Variants in GGA2 observed in about 807,000 individuals in gnomAD.
The protein encoded by GGA2 is ADP-ribosylation factor-binding protein GGA2.
In GGA2, 48 loss-of-function variants were observed where a neutral mutation model predicts 79.5. That is an observed-to-expected ratio of 0.60 (90% CI 0.48 to 0.77). The LOEUF is 0.77. Ranked by LOEUF, GGA2 falls within the 30% of genes least tolerant of loss-of-function variation. GGA2 has a pLI of 0.00. For synonymous variants in GGA2, 317 were observed against 302.0 expected, an observed-to-expected ratio of 1.05 and a Z score of -0.51; for missense variants, 770 against 774.0, an observed-to-expected ratio of 0.99 and a Z score of 0.06.
intron 10 of GGA2, 46 bp downstream of exon 10, chr16:23,480,599 A>C: frequency 6.5e-7 from 1 of 1,549,232 alleles, no homozygotes. Context: ...TGGGAATTAC[A>C]GGCTGCCCCA....
At chr16:23,492,006 C>T (rs760347388) in intron 4 of GGA2, among the ~76,000 whole-genome samples, 1 of 152,196 alleles carries the variant, frequency 6.6e-6, no homozygotes, top group African/African-American at 2.4e-5. Context: ...AATACTCACA[C>T]TAAACCCCAC....
chr16:23,478,225 C>CAAAAAAAAAAAAAAGAA (rs1964600475), intron 13 of GGA2, 143 bp downstream of exon 13: 1 of 423,182 alleles, frequency 2.4e-6, no homozygotes, highest in Admixed American at 4.2e-5. Flanking sequence ...GAAAAAAAGA[C>CAAAAAAAAAAAAAAGAA]AAAAAAAAAA....
chr16:23,494,521 G>A (rs936691823), intron 2 of GGA2, 143 bp from the exon 3 acceptor site: 17 of 671,292 alleles, frequency 2.5e-5, no homozygotes, highest in Admixed American at 1.2e-4. Flanking sequence ...AACAGGCCAC[G>A]CGGGGGCCCT....
At chr16:23,484,355 T>C (rs1451228808) in intron 8 of GGA2, among the ~76,000 whole-genome samples, 3 of 151,788 alleles carry the variant, frequency 2.0e-5, no homozygotes, top group African/African-American at 7.3e-5. Flanking sequence ...GAGGCAGAAG[T>C]CGTGCGGAGC....
In GGA2 at chr16:23,465,280, C is replaced by G; in HGVS notation, c.*2310G>C. 1.4e-6 allele frequency: 1 copy of G among 700,318 alleles called. No homozygotes were observed. The allele number at this position is 700,318 out of a possible 1,614,324, so 43.4% of individuals were successfully genotyped here. A position where few individuals can be genotyped will look rare whatever the true frequency, so the allele number is the denominator to read the frequency against. On this transcript the variant is annotated 3_prime_UTR_variant, in exon 17 of 17. Coordinates refer to ENST00000309859, the MANE Select transcript of GGA2 (RefSeq NM_015044.4). ...GATTATAGGCGTGAGCCACTGTGCACAGCCAATAACTACTTGTTAAGTGAA... is the reference window on the plus strand; with the variant it reads ...GATTATAGGCGTGAGCCACTGTGCAGAGCCAATAACTACTTGTTAAGTGAA...
Position 23,478,415 on chromosome 16 carries a change from G to A in GGA2, c.1245C>T (p.Asp415=), listed in dbSNP as rs758952030. Residue 415 remains aspartate (D), a synonymous_variant, in exon 13 of 17, where the codon GAC becomes GAT. Transcript: ENST00000309859. ...CTGAGAGGAGGTCCAGCAAATTCCT[G>A]TCTGCAGAAGGGTTCTGAACACCAC... ...PGGGVQNPSA[D]RNLLDLLSAQ... is the part of the protein sequence containing the mutation. 1.1e-5 allele frequency: 17 copies of A among 1,610,856 alleles called. No homozygotes were observed. In the Admixed American group the frequency reaches 2.5e-4, roughly 24 times the overall value.
rs34972165 is a variant in GGA2, at chr16:23,473,330, CTTTTTTTTTT to C, written c.1450+1564_1450+1573del. On this transcript the variant is annotated intron_variant, in intron 14 of 16. Coordinates refer to ENST00000309859, the MANE Select transcript of GGA2 (RefSeq NM_015044.4). ...GTATAGATGATTTTACTTTTCTAGT[CTTTTTTTTTT>C]TTTTTTTTTTTTTTTTAGACAGAGT... is the stretch of plus-strand genomic sequence containing the variant. Among the ~76,000 whole-genome samples, 11 of 70,672 alleles carry C rather than the reference CTTTTTTTTTT, an allele frequency of 1.6e-4. No individual in the cohort carries two copies. The South Asian group carries it at 1.9e-3, about 12-fold the overall frequency. 46.4% of individuals were successfully genotyped at this position (70,672 alleles called of 152,430 possible). A position where few individuals can be genotyped will look rare whatever the true frequency, so the allele number is the denominator to read the frequency against.
chr16:23,524,357 G>A (rs569642012), upstream of GGA2: 101 of 1,611,042 alleles, frequency 6.3e-5, no homozygotes, highest in Non-Finnish European at 8.1e-5. Flanking sequence ...TCCACTGCCC[G>A]AAACATCCTC....
upstream of GGA2, among the ~76,000 whole-genome samples, chr16:23,511,149 A>T (rs1187887715): frequency 6.7e-6 from 1 of 149,090 alleles, no homozygotes; most frequent in Non-Finnish European, 1.5e-5. Context: ...TTTATTTTTT[A>T]TTTTTCTTTT....
At chr16:23,499,088 C>A (rs969409971) in intron 1 of GGA2, among the ~76,000 whole-genome samples, 3 of 151,692 alleles carry the variant, frequency 2.0e-5, no homozygotes, top group Admixed American at 6.6e-5. Flanking sequence ...GAATCCAGAG[C>A]CTTCTCACTC....
intron 1 of GGA2, among the ~76,000 whole-genome samples, chr16:23,509,956 C>G (rs962918466): frequency 6.6e-6 from 1 of 151,826 alleles, no homozygotes; most frequent in Non-Finnish European, 1.5e-5. Context: ...ATAATAGAAG[C>G]CAGCTCGGGG....
chr16:23,480,199 T>G (rs147643773), intron 10 of GGA2: 8 of 373,190 alleles, frequency 2.1e-5, no homozygotes, highest in Middle Eastern at 8.3e-4. Flanking sequence ...CACAGCTGAT[T>G]AGAATCACCC....
At chr16:23,478,771 C>T in intron 12 of GGA2, 112 bp downstream of exon 12, 1 of 829,302 alleles carries the variant, frequency 1.2e-6, no homozygotes, top group Non-Finnish European at 2.1e-6. Context: ...AGGCCATGAT[C>T]CCACCGGGAC....
chr16:23,481,761 CAG>C (rs1251790917), intron 9 of GGA2, among the ~76,000 whole-genome samples: 2 of 152,030 alleles, frequency 1.3e-5, no homozygotes, highest in South Asian at 2.1e-4. Flanking sequence ...GCCTGAGCAA[CAG>C]AGTGAGACTG....
intron 2 of GGA2, 157 bp downstream of exon 2, chr16:23,495,537 T>C (rs1964843861): frequency 4.7e-6 from 2 of 421,926 alleles, no homozygotes; most frequent in Non-Finnish European, 8.5e-6. Flanking sequence ...GCTCAAGCAA[T>C]CCTCCTGCCT....
upstream of GGA2, among the ~76,000 whole-genome samples, chr16:23,512,890 A>T (rs562095982): frequency 6.6e-6 from 1 of 151,920 alleles, no homozygotes; most frequent in Middle Eastern, 3.4e-3. Context: ...TCTTTAGTAG[A>T]GACAGCGTTT....
intron 1 of GGA2, among the ~76,000 whole-genome samples, chr16:23,500,051 C>T (rs9302410): frequency 0.72 from 110,126 of 152,066 alleles, 40,687 homozygotes; most frequent in Non-Finnish European, 0.81. Context: ...AGAGGAGCTC[C>T]CTCTGTGCTC....
chr16:23,482,005 G>A (rs980179082), intron 9 of GGA2, among the ~76,000 whole-genome samples: 1 of 152,052 alleles, frequency 6.6e-6, no homozygotes, highest in East Asian at 1.9e-4. Flanking sequence ...CGTGGCTCAC[G>A]CCTGTAATCC....
rs1567371809 is a variant in GGA2, at chr16:23,510,081, T to TGG, written c.91+239_91+240insCC. On this transcript the variant is annotated intron_variant, in intron 1 of 16. Coordinates refer to ENST00000309859, the MANE Select transcript of GGA2 (RefSeq NM_015044.4). ...GTCGGGGTCCTGTGCTGCTGCTAAG[T>TGG]TGGGGGGTGGGCGGAGGGGGAGGGG... 6.3e-4 allele frequency among the ~76,000 whole-genome samples: 5 copies of TGG among 7,972 alleles called. No homozygotes were observed. The East Asian group carries it at 0.019, about 30-fold the overall frequency. The allele number at this position is 7,972 out of a possible 152,430, so 5.2% of individuals were successfully genotyped here.
Sources: gnomAD v4.1 joint callset for allele counts (sites outside exome capture counted in the v4.1 genomes callset) on GRCh38, gnomAD v4.1.1 for gene constraint, MANE v1.5 for transcripts, NCBI Gene and HGNC (gene_info 2026-07-23, HGNC 2026-07-21) for gene names.